ELSPBP1: variants seen among roughly 807,000 people sequenced by gnomAD.
The protein encoded by ELSPBP1 is epididymal sperm-binding protein 1.
Under a neutral mutation model 33.3 loss-of-function variants are expected in ELSPBP1, and 38 were observed. That is an observed-to-expected ratio of 1.14 (90% CI 0.88 to 1.50). The LOEUF (loss-of-function observed/expected upper bound fraction) is 1.50, where lower values mean the gene tolerates loss of function less well. ELSPBP1 is among the 40% of genes most tolerant of loss of function. The pLI, the probability that ELSPBP1 is intolerant of heterozygous loss-of-function variation, is 0.00. For synonymous variants in ELSPBP1, 85 were observed against 94.1 expected (o/e 0.90, Z 0.56); for missense variants, 267 against 263.5 (o/e 1.01, Z -0.09).
rs765259417 is a variant in ELSPBP1 at position 48,011,689 on chromosome 19, CTG to C, written c.71-2481_71-2480del. On this transcript the variant is annotated intron_variant, in intron 2 of 6. Coordinates refer to ENST00000339841, the MANE Select transcript of ELSPBP1 (RefSeq NM_022142.5). This position sits in a 1 kb window ranked among gnomAD's most constrained non-coding sequence, Gnocchi z 4.5. ...ATGAGACTGATGATGGTGACAATGA[CTG>C]ATGATGATGATCATGACAATGATGA... Among the ~76,000 whole-genome samples, 7 of 151,426 alleles carry C rather than the reference CTG, an allele frequency of 4.6e-5. No homozygotes were observed. Among genetic ancestry groups the C allele is most frequent in the Non-Finnish European group, 7.4e-5 (5 of 67,904 alleles).
intron 4 of ELSPBP1, among the ~76,000 whole-genome samples, chr19:48,017,710 T>C (rs752669578): frequency 7.3e-5 from 11 of 151,642 alleles, no homozygotes; most frequent in Admixed American, 6.6e-5. Context: ...CTAGGCAACA[T>C]AGGAAGACCC....
chr19:47,995,989 C>G (rs1966908738), intron 1 of ELSPBP1, among the ~76,000 whole-genome samples: 2 of 152,180 alleles, frequency 1.3e-5, no homozygotes, highest in Non-Finnish European at 1.5e-5. Context: ...CTTAATACTA[C>G]CAGTTGTATC....
chr19:48,024,631 A>C (rs1211260431), intron 6 of ELSPBP1, among the ~76,000 whole-genome samples: 4 of 152,122 alleles, frequency 2.6e-5, no homozygotes, highest in African/African-American at 9.7e-5. Flanking sequence ...ATATTAAAAA[A>C]CACCCACAGT....
intron 4 of ELSPBP1, among the ~76,000 whole-genome samples, chr19:48,017,397 A>G (rs1967153575): frequency 6.6e-6 from 1 of 152,202 alleles, no homozygotes; most frequent in Non-Finnish European, 1.5e-5. Flanking sequence ...ATCTCACTAT[A>G]GCTTTGTCCT....
intron 6 of ELSPBP1, among the ~76,000 whole-genome samples, chr19:48,023,491 G>GA (rs1967231888): frequency 2.2e-4 from 6 of 27,542 alleles, no homozygotes; most frequent in South Asian, 2.2e-3. Context: ...GGGAAGGGAG[G>GA]GAGGGAAGGA....
chr19:48,023,473 AGGGAGGAG>A (rs1967229961), intron 6 of ELSPBP1, among the ~76,000 whole-genome samples: 1 of 79,474 alleles, frequency 1.3e-5, no homozygotes, highest in African/African-American at 3.4e-5. Flanking sequence ...GAATGGAGGA[AGGGAGGAG>A]GGAAGGGAGG....
chr19:47,996,372 T>G lies in ELSPBP1; in HGVS notation c.-18+1561T>G, dbSNP rs76414827. 3.9e-3 allele frequency among the ~76,000 whole-genome samples: 591 copies of G among 152,312 alleles called. 1 individual carries two copies. Among genetic ancestry groups the G allele is most frequent in the African/African-American group, 0.014 (564 of 41,582 alleles). The stretch of plus-strand genomic sequence containing the variant: ...ATGGTGGGTTTCTTAAATACTTATT[T>G]GATGAATGATTGATGGATGGATGAT... On this transcript the variant is annotated intron_variant, in intron 1 of 6. Coordinates refer to ENST00000339841, the MANE Select transcript of ELSPBP1 (RefSeq NM_022142.5).
chr19:48,008,167 T>C (rs1967040781), intron 1 of ELSPBP1, among the ~76,000 whole-genome samples: 1 of 152,020 alleles, frequency 6.6e-6, no homozygotes, highest in African/African-American at 2.4e-5. Flanking sequence ...CATACACACA[T>C]GTAGAAACAC....
At chr19:48,003,500 G>A (rs1156443434) in intron 1 of ELSPBP1, among the ~76,000 whole-genome samples, 1 of 151,456 alleles carries the variant, frequency 6.6e-6, no homozygotes, top group East Asian at 1.9e-4. Context: ...TATTCTAAAG[G>A]TGATGGAGGA....
At chr19:48,004,372 G>T (rs1217540682) in intron 1 of ELSPBP1, among the ~76,000 whole-genome samples, 2 of 152,034 alleles carry the variant, frequency 1.3e-5, no homozygotes, top group Non-Finnish European at 2.9e-5. Context: ...GGCCCAGGCT[G>T]GTCTCAAACT....
chr19:48,013,908 G>A (rs1217795214), intron 2 of ELSPBP1, among the ~76,000 whole-genome samples: 1 of 151,970 alleles, frequency 6.6e-6, no homozygotes, highest in Non-Finnish European at 1.5e-5. Flanking sequence ...TCCTCACATC[G>A]TAGAAGGGGC....
chr19:48,002,512 C>T (rs554694123), intron 1 of ELSPBP1, among the ~76,000 whole-genome samples: 8 of 152,284 alleles, frequency 5.3e-5, no homozygotes, highest in East Asian at 1.9e-4. Flanking sequence ...TCGCTTGGGC[C>T]GGGCGCAGTG....
chr19:48,000,068 C>A (rs1966951705), intron 1 of ELSPBP1, among the ~76,000 whole-genome samples: 1 of 152,056 alleles, frequency 6.6e-6, no homozygotes, highest in South Asian at 2.1e-4. Flanking sequence ...ACAAGTGATC[C>A]TCCCACCTTG....
At chr19:48,014,430 G>T in intron 3 of ELSPBP1, 122 bp downstream of exon 3, 1 of 1,028,326 alleles carries the variant, frequency 9.7e-7, no homozygotes, top group East Asian at 2.9e-5. Context: ...GTATGCGTGC[G>T]TAGAAAAGGC....
rs536840124 is a variant in ELSPBP1, at chr19:48,000,575, GA to G, written c.-18+5767del. On this transcript the variant is annotated intron_variant, in intron 1 of 6. Coordinates refer to ENST00000339841, the MANE Select transcript of ELSPBP1 (RefSeq NM_022142.5). ...TTTCAGTTGTCTCATATATAGAAAA[GA>G]AAGCTGAGAGTCAAATACATTCCAT... is the stretch of plus-strand genomic sequence containing the variant. Among the ~76,000 whole-genome samples the G allele has an allele frequency of 5.4e-3, 828 of 152,278 alleles. 9 individuals are homozygous for G. Among genetic ancestry groups the G allele is most frequent in the Middle Eastern group, 0.017 (5 of 294 alleles).
chr19:48,008,472 C>A (rs117059333), intron 1 of ELSPBP1, among the ~76,000 whole-genome samples, 179 bp from the exon 2 acceptor site: 4 of 152,064 alleles, frequency 2.6e-5, no homozygotes, highest in Non-Finnish European at 5.9e-5. Context: ...TGGCTTTAAG[C>A]GATCCTTTGT....
At chr19:48,004,037 G>T (rs1363901746) in intron 1 of ELSPBP1, among the ~76,000 whole-genome samples, 1 of 151,460 alleles carries the variant, frequency 6.6e-6, no homozygotes, top group African/African-American at 2.4e-5. Context: ...TCTGCCTCCT[G>T]GGTTCAAGCG....
intron 1 of ELSPBP1, among the ~76,000 whole-genome samples, chr19:48,007,582 T>C (rs12985868): frequency 0.38 from 57,107 of 151,936 alleles, 11,156 homozygotes; most frequent in African/African-American, 0.49. Flanking sequence ...GAGAATGGCA[T>C]GGTCATCTGT....
chr19:48,013,282 A>T (rs1472342479), intron 2 of ELSPBP1, among the ~76,000 whole-genome samples: 1 of 152,216 alleles, frequency 6.6e-6, no homozygotes, highest in African/African-American at 2.4e-5. Flanking sequence ...TTGGTTGTGT[A>T]TGAAACTCTT....
Sources: gnomAD v4.1 joint callset for allele counts (sites outside exome capture counted in the v4.1 genomes callset) on GRCh38, gnomAD v4.1.1 for gene constraint, Gnocchi (gnomAD v3.1) non-coding constraint, MANE v1.5 for transcripts, NCBI Gene and HGNC (gene_info 2026-07-23, HGNC 2026-07-21) for gene names.